The following FRMD4A variants were observed in gnomAD, a reference collection of about 807,000 sequenced individuals.
FRMD4A encodes the protein FERM domain containing 4A, also known as FERM domain-containing protein 4A.
FRMD4A carries 29 observed loss-of-function variants against 129.1 expected under a neutral mutation model. The observed-to-expected ratio is 0.22, with a 90% CI of 0.17 to 0.31. The LOEUF is 0.31. Among genes scored for constraint, FRMD4A ranks in the 10% least tolerant of loss-of-function variants. The probability of loss-of-function intolerance (pLI) is 1.00; values close to 1 mark genes in which losing one functional copy is unlikely to be tolerated. For synonymous variants in FRMD4A, 634 were observed against 571.6 expected (o/e 1.11, Z -1.56); for missense variants, 1,272 against 1,375.8 (o/e 0.92, Z 1.19).
In FRMD4A at chr10:13,745,570, C is replaced by T. The variant is rs532352584; in HGVS notation, c.548+2166G>A. Among the ~76,000 whole-genome samples the T allele has an allele frequency of 2.0e-3, 299 of 152,132 alleles. 1 individual carries two copies. The highest frequency in any genetic ancestry group is 7.0e-3 in the African/African-American group (290 of 41,498). ...AGACAGAGAGAGTGTGTGTGAAGGG[C>T]GAGGTGCCTCTGGGTTAGTAATCAT... On this transcript the variant is annotated intron_variant, in intron 9 of 24. Coordinates refer to ENST00000357447, the MANE Select transcript of FRMD4A (RefSeq NM_018027.5).
intron 2 of FRMD4A, among the ~76,000 whole-genome samples, chr10:14,048,844 A>C (rs11258833): frequency 3.4e-5 from 2 of 59,002 alleles, no homozygotes; most frequent in South Asian, 9.5e-4. Flanking sequence ...ATAGAATAGA[A>C]TAGAATAGAA....
chr10:14,103,853 T>A (rs892628950), intron 2 of FRMD4A, among the ~76,000 whole-genome samples: 3 of 152,194 alleles, frequency 2.0e-5, no homozygotes, highest in African/African-American at 7.2e-5. Flanking sequence ...TGAGTAGAAT[T>A]TTTTAAACTC....
Position 14,084,381 on chromosome 10 carries a change from A to G in FRMD4A, c.46-225469T>C, listed in dbSNP as rs537706698. ...AGGCTGGTCTTGAACTCCTGACCTC[A>G]AGTGATCCGCCTGCCTTGGCCCCCC... On this transcript the variant is annotated intron_variant, in intron 2 of 24. Coordinates refer to ENST00000357447, the MANE Select transcript of FRMD4A (RefSeq NM_018027.5). Among the ~76,000 whole-genome samples the G allele has an allele frequency of 1.1e-4, 16 of 151,994 alleles. No homozygotes were observed. In the East Asian group the frequency reaches 3.1e-3, roughly 29 times the overall value.
At chr10:14,269,102 C>A (rs1845075473) in intron 2 of FRMD4A, among the ~76,000 whole-genome samples, 1 of 152,156 alleles carries the variant, frequency 6.6e-6, no homozygotes, top group African/African-American at 2.4e-5. Flanking sequence ...CTCTGGGATG[C>A]CACTGGATTG....
chr10:14,251,833 T>C (rs1046446260), intron 2 of FRMD4A, among the ~76,000 whole-genome samples: 3 of 152,056 alleles, frequency 2.0e-5, no homozygotes, highest in Non-Finnish European at 4.4e-5. Flanking sequence ...AAAATGGGAA[T>C]AATATTGCTA....
chr10:13,937,980 A>G (rs112792145), intron 2 of FRMD4A, among the ~76,000 whole-genome samples: 3 of 152,334 alleles, frequency 2.0e-5, no homozygotes, highest in African/African-American at 7.2e-5. Flanking sequence ...TTGTATTCTT[A>G]TATACCCACA....
At chr10:14,218,302 A>T (rs1213147853) in intron 2 of FRMD4A, among the ~76,000 whole-genome samples, 1 of 152,186 alleles carries the variant, frequency 6.6e-6, no homozygotes, top group Non-Finnish European at 1.5e-5. Context: ...GTAACTGAGG[A>T]ATTTGACTAA....
At chr10:13,705,672 G>A (rs569844783) in intron 13 of FRMD4A, among the ~76,000 whole-genome samples, 12 of 152,116 alleles carry the variant, frequency 7.9e-5, no homozygotes, top group African/African-American at 1.2e-4. Flanking sequence ...AAATCTCCCC[G>A]CCCACCCCAC....
At chr10:13,877,901 A>C (rs1482511106) in intron 2 of FRMD4A, among the ~76,000 whole-genome samples, 1 of 152,100 alleles carries the variant, frequency 6.6e-6, no homozygotes, top group Non-Finnish European at 1.5e-5. Context: ...CTCCCCATGT[A>C]AGCCTGGGCA....
intron 12 of FRMD4A, among the ~76,000 whole-genome samples, chr10:13,732,529 G>A (rs960700880): frequency 6.6e-6 from 1 of 152,180 alleles, no homozygotes; most frequent in African/African-American, 2.4e-5. Context: ...TCTTGTGTTG[G>A]TGCAACGTGA....
At chr10:13,881,252 TAA>T (rs3032918) in intron 2 of FRMD4A, among the ~76,000 whole-genome samples, 8,049 of 120,346 alleles carry the variant, frequency 0.067, 279 homozygotes, top group South Asian at 0.13. Context: ...CCCCCATCTC[TAA>T]AAAAAAAAAA....
intron 2 of FRMD4A, 121 bp downstream of exon 2, chr10:14,329,937 C>G (rs1336781101): frequency 1.1e-6 from 1 of 879,110 alleles, no homozygotes; most frequent in Non-Finnish European, 1.8e-6. Context: ...AAAGAGCCTG[C>G]GGGATAAAGC....
chr10:14,072,678 G>A (rs1030204344), intron 2 of FRMD4A, among the ~76,000 whole-genome samples: 22 of 152,162 alleles, frequency 1.4e-4, no homozygotes, highest in Non-Finnish European at 8.8e-5. Flanking sequence ...GTTATTTTGG[G>A]AAAGGGGAGG....
In FRMD4A at chr10:13,674,778, AC is replaced by A. The variant is rs1385762880; in HGVS notation, c.1251+132del. ...CGCCCAGATAGGCCCTCTTTTTATC[AC>A]TACCCTTGCCTTCTGTCAAAACGAT... On this transcript the variant is annotated intron_variant, in intron 16 of 24. Transcript: ENST00000357447. The A allele has an allele frequency of 7.2e-5, 72 of 999,456 alleles. 2 individuals carry two copies. In the Middle Eastern group the frequency reaches 4.9e-3, roughly 69 times the overall value. The allele number at this position is 999,456 out of a possible 1,614,324, so 61.9% of individuals were successfully genotyped here. A position where few individuals can be genotyped will look rare whatever the true frequency, so the allele number is the denominator to read the frequency against.
In FRMD4A at chr10:13,651,894, T is replaced by G; in HGVS notation, c.*2+9A>C. ...ATGGGCAGTAGGAACAAAACTCCCC[T>G]TACGGTACCTCTATTCATCAGTACT... On this transcript the variant is annotated intron_variant, in intron 24 of 24. Transcript: ENST00000357447. 6.8e-7 allele frequency: 1 copy of G among 1,472,292 alleles called. No individual in the cohort carries two copies. The highest frequency in any genetic ancestry group is 9.5e-7 in the Non-Finnish European group (1 of 1,050,078). 91.2% of individuals were successfully genotyped at this position (1,472,292 alleles called of 1,614,324 possible). A position where few individuals can be genotyped will look rare whatever the true frequency, so the allele number is the denominator to read the frequency against.
At chr10:13,870,878 C>T (rs2094431565) in intron 2 of FRMD4A, 3 of 152,314 alleles carry the variant, frequency 2.0e-5, no homozygotes, top group Admixed American at 2.0e-4. Flanking sequence ...TAGAACTCAA[C>T]TCAGCACAAT....
rs549337003 is a variant in FRMD4A at position 13,930,210 on chromosome 10, C to T, written c.46-71298G>A. Among the ~76,000 whole-genome samples the T allele has an allele frequency of 3.9e-5, 6 of 152,270 alleles. No individual in the cohort carries two copies. The East Asian group carries it at 9.6e-4, about 24-fold the overall frequency. On this transcript the variant is annotated intron_variant, in intron 2 of 24. Transcript: ENST00000357447. ...AGCTTGCAATCCCCATAGGCTCAGC[C>T]GGGTCTGCACAGGACTGAATGAGGC...
At chr10:14,049,077 T>G (rs867894127) in intron 2 of FRMD4A, among the ~76,000 whole-genome samples, 1 of 152,064 alleles carries the variant, frequency 6.6e-6, no homozygotes, top group Middle Eastern at 3.2e-3. Flanking sequence ...TAATAAGAAG[T>G]TGAGAAGTAA....
chr10:14,254,048 G>T (rs1339677236), intron 2 of FRMD4A, among the ~76,000 whole-genome samples: 1 of 152,156 alleles, frequency 6.6e-6, no homozygotes, highest in Non-Finnish European at 1.5e-5. Flanking sequence ...CTTCTGTGAT[G>T]CTCACTGGCT....
Sources: allele counts gnomAD v4.1 joint callset (sites outside exome capture counted in the v4.1 genomes callset), GRCh38; gene constraint gnomAD v4.1.1; transcripts MANE v1.5; gene names NCBI Gene and HGNC (gene_info 2026-07-23, HGNC 2026-07-21).